UNC79: variants seen among roughly 807,000 people sequenced by gnomAD.
UNC79 encodes unc-79 subunit of NALCN channel complex.
Under a neutral mutation model 283.1 loss-of-function variants are expected in UNC79, and 37 were observed. The ratio of observed to expected loss-of-function variants is 0.13; its 90% CI spans 0.10 to 0.17. UNC79 has a LOEUF of 0.17. UNC79 is among the 10% of genes least tolerant of loss of function. UNC79 has a pLI of 1.00. For missense variants in UNC79, 2,272 were observed against 3,211.1 expected (o/e 0.71, Z 7.07); for synonymous variants, 1,107 against 1,200.2 (o/e 0.92, Z 1.61).
rs114880226 is a variant in UNC79 at position 93,497,486 on chromosome 14, C to A, written c.898+200C>A. Among the ~76,000 whole-genome samples, 698 of 152,308 alleles carry A rather than the reference C, an allele frequency of 4.6e-3. 3 individuals are homozygous for A. The highest frequency in any genetic ancestry group is 0.016 in the African/African-American group (664 of 41,558). ...TTCAAAAGCATTTATGGCCTCAGGG[C>A]AAATTGCCTTAAGTCTCAGTCCCAT... On this transcript the variant is annotated intron_variant, in intron 7 of 48. Transcript: ENST00000555664.
At chr14:93,592,774 A>G (rs1487763917) in intron 22 of UNC79, among the ~76,000 whole-genome samples, 1 of 152,236 alleles carries the variant, frequency 6.6e-6, no homozygotes, top group Non-Finnish European at 1.5e-5. Flanking sequence ...TTACTAAAAT[A>G]TATTATATTC....
chr14:93,436,688 CATAA>C (rs1404362431), intron 1 of UNC79, among the ~76,000 whole-genome samples: 4 of 152,050 alleles, frequency 2.6e-5, no homozygotes, highest in Non-Finnish European at 5.9e-5. Flanking sequence ...GATAGCTCTG[CATAA>C]ATAAACATAT....
intron 1 of UNC79, 68 bp downstream of exon 1, chr14:93,431,119 C>T (rs1175111150): frequency 8.3e-6 from 4 of 484,760 alleles, no homozygotes; most frequent in Non-Finnish European, 1.6e-5. Context: ...GCGGCGTTTG[C>T]GGCTGCTGGG....
chr14:93,373,146 G>T (rs1034123432), intron 1 of UNC79, among the ~76,000 whole-genome samples: 2 of 152,198 alleles, frequency 1.3e-5, no homozygotes, highest in Admixed American at 1.3e-4. Context: ...ATTGAAATTT[G>T]TGGGATGCAC....
chr14:93,428,239 T>G (rs1359132811), upstream of UNC79, among the ~76,000 whole-genome samples: 1 of 152,072 alleles, frequency 6.6e-6, no homozygotes, highest in South Asian at 2.1e-4. Flanking sequence ...GATGAAAAAT[T>G]TATGCATGTT....
chr14:93,603,270 C>T, exon 26 of UNC79: 9 of 1,614,158 alleles, frequency 5.6e-6, no homozygotes, highest in Non-Finnish European at 7.6e-6. Context: ...ATGTTGCTAA[C>T]CTCAGCGATG....
intron 30 of UNC79, among the ~76,000 whole-genome samples, chr14:93,626,923 C>T (rs2067614711): frequency 6.6e-6 from 1 of 152,118 alleles, no homozygotes; most frequent in Non-Finnish European, 1.5e-5. Context: ...GTGGCACACA[C>T]CTGTAGTCCC....
chr14:93,579,405 G>A (rs955723682), intron 18 of UNC79, among the ~76,000 whole-genome samples: 6 of 152,086 alleles, frequency 3.9e-5, no homozygotes, highest in African/African-American at 7.2e-5. Flanking sequence ...CATGACAGTC[G>A]AGTGATAATT....
chr14:93,691,422 C>T (rs1360593377), intron 45 of UNC79: 2 of 431,422 alleles, frequency 4.6e-6, no homozygotes, highest in East Asian at 8.2e-5. Context: ...CCTAACATGG[C>T]AGAATGATTA....
intron 33 of UNC79, among the ~76,000 whole-genome samples, chr14:93,643,028 GTGAGTGGTGGAGAA>G (rs1251991863): frequency 1.3e-5 from 2 of 152,172 alleles, no homozygotes; most frequent in Non-Finnish European, 2.9e-5. Flanking sequence ...ACTCATCTGA[GTGAGTGGTGGAGAA>G]GAGACTCCAT....
At chr14:93,641,094 C>T (rs1462073377) in intron 32 of UNC79, 51 bp from the exon 36 acceptor site, 1 of 1,507,130 alleles carries the variant, frequency 6.6e-7, no homozygotes, top group South Asian at 1.2e-5. Flanking sequence ...CCTTTCTTGG[C>T]CCCTTGAAGC....
intron 17 of UNC79, among the ~76,000 whole-genome samples, chr14:93,575,583 T>C (rs975692039): frequency 1.3e-5 from 2 of 152,116 alleles, no homozygotes; most frequent in Admixed American, 6.5e-5. Context: ...TTTTTCCTTG[T>C]CTTTTGGGAA....
intron 12 of UNC79, among the ~76,000 whole-genome samples, chr14:93,538,703 G>A (rs1340675894): frequency 3.4e-5 from 5 of 148,432 alleles, no homozygotes. Context: ...ACAACTCCAA[G>A]TAATTCCATG....
At chr14:93,616,271 A>C (rs980174870) in intron 27 of UNC79, among the ~76,000 whole-genome samples, 3 of 151,654 alleles carry the variant, frequency 2.0e-5, no homozygotes, top group African/African-American at 7.3e-5. Context: ...GAATTTCTTT[A>C]TACATACATT....
chr14:93,344,576 C>T (rs992926512), intron 1 of UNC79, among the ~76,000 whole-genome samples: 4 of 152,162 alleles, frequency 2.6e-5, no homozygotes, highest in African/African-American at 7.2e-5. Context: ...AACATGGCTC[C>T]CAAGTTACAA....
chr14:93,693,985 C>G (rs1297630360), intron 46 of UNC79, among the ~76,000 whole-genome samples: 3 of 152,178 alleles, frequency 2.0e-5, no homozygotes, highest in Non-Finnish European at 2.9e-5. Flanking sequence ...TGATACAGAA[C>G]TCTTACACCC....
At chr14:93,622,864 T>C (rs1465890880) in intron 30 of UNC79, 23 bp downstream of exon 32, 1 of 1,602,346 alleles carries the variant, frequency 6.2e-7, no homozygotes, top group Non-Finnish European at 8.5e-7. Context: ...CTCTTCTTTC[T>C]CTCAGCCTTA....
intron 35 of UNC79, among the ~76,000 whole-genome samples, chr14:93,648,315 C>T (rs1173719397): frequency 6.6e-6 from 1 of 151,896 alleles, no homozygotes; most frequent in African/African-American, 2.4e-5. Flanking sequence ...TTTTGAGGAC[C>T]CCTCTGGCTT....
At chr14:93,643,149 G>A (rs2069229372) in intron 33 of UNC79, among the ~76,000 whole-genome samples, 1 of 152,152 alleles carries the variant, frequency 6.6e-6, no homozygotes, top group African/African-American at 2.4e-5. Flanking sequence ...CCGTGCCTAA[G>A]CATTTTGCAT....
Sources: allele counts gnomAD v4.1 joint callset (sites outside exome capture counted in the v4.1 genomes callset), GRCh38; gene constraint gnomAD v4.1.1; transcripts MANE v1.5; gene names NCBI Gene and HGNC (gene_info 2026-07-23, HGNC 2026-07-21).